The following BAIAP2L2 variants were observed in gnomAD, a reference collection of about 807,000 sequenced individuals.
BAIAP2L2 encodes the protein BAR/IMD domain-containing adapter protein 2-like 2.
BAIAP2L2 carries 65 observed loss-of-function variants against 60.4 expected under a neutral mutation model. The observed-to-expected ratio is 1.08, with a 90% confidence interval of 0.88 to 1.32. The LOEUF (loss-of-function observed/expected upper bound fraction) is 1.32, where lower values mean the gene tolerates loss of function less well. Ranked by LOEUF, BAIAP2L2 falls within the 40% of genes most tolerant of loss-of-function variation. The pLI, the probability that BAIAP2L2 is intolerant of heterozygous loss-of-function variation, is 0.00. For missense variants in BAIAP2L2, 836 were observed against 741.2 expected (o/e 1.13, Z -1.48); for synonymous variants, 344 against 301.7 (o/e 1.14, Z -1.45).
At chr22:38,108,158 C>G in intron 3 of BAIAP2L2, 97 bp downstream of exon 3, 1 of 1,218,506 alleles carries the variant, frequency 8.2e-7, no homozygotes, top group African/African-American at 1.5e-5. Flanking sequence ...GGGCCCTGGG[C>G]TGAAAGGCCT....
At position 38,088,791 on chromosome 22, in the gene BAIAP2L2, C is replaced by T. The variant is rs1270322471; in HGVS notation, c.1075G>A (p.Ala359Thr). The T allele has an allele frequency of 1.9e-6, 3 of 1,601,214 alleles. No individual in the cohort carries two copies. Among genetic ancestry groups the T allele is most frequent in the East Asian group, 4.5e-5 (2 of 44,816 alleles). Reference protein sequence around the residue: ...GDVVEVLVPEAQNGWLYGKLE... With the variant: ...GDVVEVLVPETQNGWLYGKLE... ...TTGCCGTAGAGCCAGCCGTTCTGGG[C>T]CTCGGGCACCAACACCTCCACCACG... Residue 359 changes from alanine to threonine, a missense_variant, in exon 10 of 14, where the codon GCC becomes ACC. Physicochemically the swap from Ala to Thr is moderately conservative, Grantham distance 58. Coordinates refer to ENST00000381669, the MANE Select transcript of BAIAP2L2 (RefSeq NM_025045.6).
At position 38,108,285 on chromosome 22, in the gene BAIAP2L2, C is replaced by T. The variant is rs1410421614; in HGVS notation, c.184G>A (p.Ala62Thr). 1.2e-6 allele frequency: 2 copies of T among 1,612,704 alleles called. No homozygotes were observed. Among genetic ancestry groups the T allele is most frequent in the Admixed American group, 1.7e-5 (1 of 60,006 alleles). ...ATCTGTGAGGTGGGGCTCTGCAGGGCACGCTCCCCAATCTTCTGGATGGCA... is the reference window on the plus strand; with the variant it reads ...ATCTGTGAGGTGGGGCTCTGCAGGGTACGCTCCCCAATCTTCTGGATGGCA... ...FSAIQKIGERALQSPTSQILG... is the reference protein window; with the variant it reads ...FSAIQKIGERTLQSPTSQILG... The change falls in exon 3 of 14, where the codon GCC becomes ACC. Residue 62 changes from alanine to threonine, a missense_variant. By Grantham distance (58) the Ala-to-Thr change is moderately conservative (BLOSUM62 0). Coordinates refer to ENST00000381669, the MANE Select transcript of BAIAP2L2 (RefSeq NM_025045.6).
Position 38,098,174 on chromosome 22 carries a change from G to A in BAIAP2L2, c.354C>T (p.Ser118=). 3 of 1,614,072 alleles carry A rather than the reference G, an allele frequency of 1.9e-6. No individual in the cohort carries two copies. Among genetic ancestry groups the A allele is most frequent in the Non-Finnish European group, 2.5e-6 (3 of 1,180,024 alleles). The change falls in exon 6 of 14, where the codon AGC becomes AGT. Residue 118 remains serine, a synonymous_variant. Coordinates refer to ENST00000381669, the MANE Select transcript of BAIAP2L2 (RefSeq NM_025045.6). ...TKLDMQFIKD[S]RQHYELEYRH... Reference sequence around the variant, plus strand: ...GGTACTCGAGCTCATAGTGCTGGCGGCTGTCCTGGGGTAGGGTGGAGTCGG... The same window carrying A: ...GGTACTCGAGCTCATAGTGCTGGCGACTGTCCTGGGGTAGGGTGGAGTCGG...
chr22:38,109,308 C>T, intron 1 of BAIAP2L2, 100 bp from the exon 2 acceptor site: 1 of 932,732 alleles, frequency 1.1e-6, no homozygotes, highest in Non-Finnish European at 1.7e-6. Flanking sequence ...ACAGGGCACC[C>T]CCAGCCCAGT....
At chr22:38,110,842 G>GC (rs1000360001), upstream of BAIAP2L2, among the ~76,000 whole-genome samples, 2 of 152,088 alleles carry the variant, frequency 1.3e-5, no homozygotes, top group African/African-American at 4.8e-5. Flanking sequence ...ATGTGGATGA[G>GC]CCCCCTCCTG....
intron 13 of BAIAP2L2, 66 bp from the exon 14 acceptor site, chr22:38,085,441 A>G: frequency 6.5e-7 from 1 of 1,541,100 alleles, no homozygotes; most frequent in South Asian, 1.1e-5. Flanking sequence ...TGGCTCAGGA[A>G]GGCAGCTGGG....
intron 8 of BAIAP2L2, 75 bp downstream of exon 8, chr22:38,089,447 T>TG: frequency 1.3e-6 from 1 of 788,000 alleles, no homozygotes. Context: ...GGCTCCAGGC[T>TG]GGGGGCCTGA....
chr22:38,098,022 C>CAGG, intron 6 of BAIAP2L2, 41 bp downstream of exon 6: 1 of 790,968 alleles, frequency 1.3e-6, no homozygotes, highest in Non-Finnish European at 2.2e-6. Context: ...GGTCTGCCCA[C>CAGG]CCGCCCTTCC....
rs997740129 is a variant in BAIAP2L2 at position 38,088,710 on chromosome 22, C to T, written c.1118+38G>A. Reference sequence around the variant, plus strand: ...GGTTCCCGGCCCCCAGGGCCTTCTTCTCAACCCACCCCCGGCCCCTCCAAG... The same window carrying T: ...GGTTCCCGGCCCCCAGGGCCTTCTTTTCAACCCACCCCCGGCCCCTCCAAG... On this transcript the variant is annotated intron_variant, in intron 10 of 13. Coordinates refer to ENST00000381669, the MANE Select transcript of BAIAP2L2 (RefSeq NM_025045.6). The T allele has an allele frequency of 3.2e-6, 5 of 1,542,012 alleles. No individual in the cohort carries two copies. In the East Asian group the frequency reaches 1.2e-4, roughly 36 times the overall value.
In BAIAP2L2 at chr22:38,107,892, G is replaced by A; in HGVS notation, c.236C>T (p.Ser79Phe). 1 of 1,613,524 alleles carries A rather than the reference G, an allele frequency of 6.2e-7. No individual in the cohort carries two copies. The change falls in exon 4 of 14, where the codon TCT (serine) becomes TTT (phenylalanine). Residue 79 changes from serine to phenylalanine, a missense_variant. By Grantham distance (155) the Ser-to-Phe change is radical. Coordinates refer to ENST00000381669, the MANE Select transcript of BAIAP2L2 (RefSeq NM_025045.6). Reference sequence around the variant, plus strand: ...AGAGTTCAAGTGCCGCTGGGTGTCAGACATCTGCACCAAGATCTCCCCTGG... The same window carrying A: ...AGAGTTCAAGTGCCGCTGGGTGTCAAACATCTGCACCAAGATCTCCCCTGG... Reference protein sequence around the residue: ...QILGEILVQMSDTQRHLNSDL... With the variant: ...QILGEILVQMFDTQRHLNSDL...
At chr22:38,109,834 ATGAG>A (rs2086764722) in intron 1 of BAIAP2L2, among the ~76,000 whole-genome samples, 1 of 151,854 alleles carries the variant, frequency 6.6e-6, no homozygotes. Context: ...GTGACCTTGA[ATGAG>A]CTGTTTAACC....
At chr22:38,107,281 C>A (rs2086683352) in intron 4 of BAIAP2L2, among the ~76,000 whole-genome samples, 1 of 152,086 alleles carries the variant, frequency 6.6e-6, no homozygotes, top group Non-Finnish European at 1.5e-5. Flanking sequence ...AACTGGACGG[C>A]AGGGGGAGGG....
intron 9 of BAIAP2L2, 45 bp from the exon 10 acceptor site, chr22:38,089,009 C>T (rs901529160): frequency 2.1e-6 from 3 of 1,463,170 alleles, no homozygotes; most frequent in African/African-American, 1.4e-5. Flanking sequence ...GAAGTTCTTC[C>T]TGGCGTCTGC....
chr22:38,110,598 T>C lies in BAIAP2L2; in HGVS notation c.-73A>G. ...TGGCACAGCCGGGAGCAGTGGTAGGTAGTCCCTCAGGTGCCCACGACTCAG... is the reference window on the plus strand; with the variant it reads ...TGGCACAGCCGGGAGCAGTGGTAGGCAGTCCCTCAGGTGCCCACGACTCAG... On this transcript the variant is annotated 5_prime_UTR_variant, in exon 1 of 14. Transcript: ENST00000381669. 1 of 1,345,570 alleles carries C rather than the reference T, an allele frequency of 7.4e-7. No homozygotes were observed. The highest frequency in any genetic ancestry group is 1.0e-6 in the Non-Finnish European group (1 of 973,374). 83.4% of individuals were successfully genotyped at this position (1,345,570 alleles called of 1,614,324 possible).
intron 2 of BAIAP2L2, 67 bp from the exon 3 acceptor site, chr22:38,108,408 C>T: frequency 7.9e-7 from 1 of 1,258,704 alleles, no homozygotes; most frequent in South Asian, 1.3e-5. Context: ...AGGCTCTTTT[C>T]ATCTGGAGGG....
intron 3 of BAIAP2L2, 149 bp downstream of exon 3, chr22:38,108,104 AGT>A: frequency 1.1e-6 from 1 of 927,060 alleles, no homozygotes; most frequent in Non-Finnish European, 1.6e-6. Context: ...CCCGGCAGGG[AGT>A]GGTGGCGGGG....
intron 7 of BAIAP2L2, among the ~76,000 whole-genome samples, chr22:38,093,137 G>T (rs2086347193): frequency 6.6e-6 from 1 of 152,192 alleles, no homozygotes; most frequent in Admixed American, 6.5e-5. Flanking sequence ...CTGCACTCCA[G>T]CCTGAGCAAC....
At chr22:38,086,482 G>T in intron 11 of BAIAP2L2, 33 bp from the exon 12 acceptor site, 1 of 1,453,044 alleles carries the variant, frequency 6.9e-7, no homozygotes, top group South Asian at 1.4e-5. Context: ...GAAGGAAAGG[G>T]GTTGGGGCCT....
intron 12 of BAIAP2L2, among the ~76,000 whole-genome samples, chr22:38,085,977 G>A (rs541774136): frequency 6.6e-6 from 1 of 152,194 alleles, no homozygotes; most frequent in African/African-American, 2.4e-5. Context: ...ATAAGACCGG[G>A]GTGGCTCCAT....
Sources: allele counts gnomAD v4.1 joint callset (sites outside exome capture counted in the v4.1 genomes callset), GRCh38; gene constraint gnomAD v4.1.1; transcripts MANE v1.5; gene names NCBI Gene and HGNC (gene_info 2026-07-23, HGNC 2026-07-21).